The following EYA2 variants were observed in gnomAD, a reference collection of about 807,000 sequenced individuals.
EYA2 encodes the protein EYA transcriptional coactivator and phosphatase 2, also known as protein phosphatase EYA2.
A neutral mutation model predicts 69.2 loss-of-function variants in EYA2; 31 were observed. The ratio of observed to expected loss-of-function variants is 0.45; its 90% CI spans 0.34 to 0.60. EYA2 has a LOEUF of 0.60. EYA2 is among the 20% of genes least tolerant of loss of function. EYA2 has a pLI of 0.02. For missense variants in EYA2, 622 were observed against 701.2 expected (o/e 0.89, Z 1.28); for synonymous variants, 257 against 279.4 (o/e 0.92, Z 0.80).
At chr20:47,047,520 A>G (rs2030107629) in intron 5 of EYA2, among the ~76,000 whole-genome samples, 1 of 152,014 alleles carries the variant, frequency 6.6e-6, no homozygotes, top group Admixed American at 6.6e-5. Flanking sequence ...CCAAGTAGCC[A>G]GAATTACAGG....
At chr20:46,970,530 C>A (rs910354937) in intron 1 of EYA2, among the ~76,000 whole-genome samples, 8 of 152,056 alleles carry the variant, frequency 5.3e-5, no homozygotes, top group Non-Finnish European at 1.0e-4. Context: ...CTCAATAGTG[C>A]CAAGGCTGAG....
At chr20:47,004,712 A>G (rs1982594971) in intron 3 of EYA2, among the ~76,000 whole-genome samples, 1 of 152,174 alleles carries the variant, frequency 6.6e-6, no homozygotes, top group Non-Finnish European at 1.5e-5. Flanking sequence ...CTTACATTCT[A>G]CGGGGCTGAA....
intron 5 of EYA2, among the ~76,000 whole-genome samples, chr20:47,034,860 G>A (rs1187824818): frequency 6.6e-6 from 1 of 152,158 alleles, no homozygotes; most frequent in Admixed American, 6.5e-5. Context: ...GTGGTGGCAG[G>A]CATTCCTTGG....
chr20:47,025,844 G>A (rs1033790924), intron 5 of EYA2, among the ~76,000 whole-genome samples: 1 of 152,188 alleles, frequency 6.6e-6, no homozygotes. Context: ...TCATCTTACG[G>A]TTGAAGTTTT....
intron 5 of EYA2, among the ~76,000 whole-genome samples, chr20:47,032,606 C>T (rs1322398686): frequency 6.6e-6 from 1 of 152,164 alleles, no homozygotes; most frequent in Non-Finnish European, 1.5e-5. Context: ...CTCTCAAAGT[C>T]GGTTCAAACA....
At chr20:46,975,186 G>A (rs1980388655) in intron 1 of EYA2, among the ~76,000 whole-genome samples, 3 of 152,098 alleles carry the variant, frequency 2.0e-5, no homozygotes, top group Non-Finnish European at 2.9e-5. Flanking sequence ...TGGTGGTTAC[G>A]CAGAGCTGCA....
chr20:47,034,657 A>G (rs554604015), intron 5 of EYA2, among the ~76,000 whole-genome samples: 6 of 152,246 alleles, frequency 3.9e-5, no homozygotes, highest in Non-Finnish European at 7.3e-5. Flanking sequence ...AATGCCAGTA[A>G]GTCAACAGAA....
At chr20:47,030,637 G>A in intron 5 of EYA2, among the ~76,000 whole-genome samples, 1 of 152,184 alleles carries the variant, frequency 6.6e-6, no homozygotes, top group Non-Finnish European at 1.5e-5. Flanking sequence ...ACAGCTCTGG[G>A]AGCTAGAAGT....
intron 5 of EYA2, among the ~76,000 whole-genome samples, chr20:47,057,139 GAGGAAGGA>G (rs61126274): frequency 0.052 from 6,775 of 129,104 alleles, 294 homozygotes; most frequent in African/African-American, 0.12. Context: ...AGGAAGGAGG[GAGGAAGGA>G]AGGAAGGAAG....
At chr20:47,080,357 T>TA (rs1452336351) in intron 7 of EYA2, among the ~76,000 whole-genome samples, 1 of 150,420 alleles carries the variant, frequency 6.6e-6, no homozygotes, top group Admixed American at 6.7e-5. Context: ...AAGGGAAACT[T>TA]ACAGCACGAA....
intron 5 of EYA2, among the ~76,000 whole-genome samples, chr20:47,024,611 C>T (rs1983972336): frequency 6.6e-6 from 1 of 152,218 alleles, no homozygotes; most frequent in African/African-American, 2.4e-5. Flanking sequence ...CTGCCAATTC[C>T]AGCCACATTA....
rs2034523807 is a variant in EYA2, at chr20:47,180,827, C to T, written c.1326C>T (p.Val442=). The T allele has an allele frequency of 2.5e-6, 4 of 1,614,022 alleles. No individual in the cohort carries two copies. The highest frequency in any genetic ancestry group is 2.2e-5 in the South Asian group (2 of 91,068). The part of the protein sequence containing the change: ...LNLINSRPNC[V]NVLVTTTQLI... ...CCTTTGTCCTTAGGCCCAACTGTGT[C>T]AATGTGCTGGTCACCACCACTCAAC... Residue 442 remains valine (V), a synonymous_variant, in exon 14 of 16, where the codon GTC becomes GTT. Transcript: ENST00000327619.
chr20:46,899,418 G>A (rs2146208731), intron 1 of EYA2, among the ~76,000 whole-genome samples: 1 of 152,170 alleles, frequency 6.6e-6, no homozygotes, highest in East Asian at 1.9e-4. Context: ...AACCGGTTGG[G>A]TATGGTTCTG....
intron 1 of EYA2, among the ~76,000 whole-genome samples, chr20:46,974,981 G>C (rs139878721): frequency 2.6e-5 from 4 of 152,244 alleles, no homozygotes; most frequent in Non-Finnish European, 5.9e-5. Context: ...TTTCTAAAAA[G>C]CTGATCTCAA....
chr20:47,156,057 TATAC>T (rs2033918600), intron 10 of EYA2, among the ~76,000 whole-genome samples: 1 of 81,744 alleles, frequency 1.2e-5, no homozygotes, highest in Non-Finnish European at 2.2e-5. Context: ...CACACATATA[TATAC>T]ATACACACAC....
rs6063068 is a variant in EYA2, at chr20:47,088,857, A to T, written c.662-382A>T. Among the ~76,000 whole-genome samples, 282 of 152,276 alleles carry T rather than the reference A, an allele frequency of 1.9e-3. 1 individual carries two copies. The highest frequency in any genetic ancestry group is 0.015 in the South Asian group (72 of 4,808). On this transcript the variant is annotated intron_variant, in intron 7 of 15. Coordinates refer to ENST00000327619, the MANE Select transcript of EYA2 (RefSeq NM_005244.5). ...TTGGAGGTGCTGGGATTACAGGCGT[A>T]AGCCCCCACGCCGGGCCCCCTGACT...
chr20:46,982,729 T>C (rs1359214074), intron 1 of EYA2, among the ~76,000 whole-genome samples: 3 of 152,266 alleles, frequency 2.0e-5, no homozygotes, highest in East Asian at 3.9e-4. Context: ...AACTGATCTA[T>C]TGAGTTCTTA....
intron 9 of EYA2, among the ~76,000 whole-genome samples, chr20:47,139,558 T>C: frequency 6.6e-6 from 1 of 152,176 alleles, no homozygotes; most frequent in South Asian, 2.1e-4. Flanking sequence ...GCCTCCCGAA[T>C]AGCTGGGATT....
At chr20:47,180,000 T>C (rs1160708729) in intron 13 of EYA2, 88 bp downstream of exon 13, 4 of 903,548 alleles carry the variant, frequency 4.4e-6, no homozygotes, top group East Asian at 2.6e-5. Flanking sequence ...CTTGGGAGAA[T>C]TGGACTCCTC....
Sources: gnomAD v4.1 joint callset for allele counts (sites outside exome capture counted in the v4.1 genomes callset) on GRCh38, gnomAD v4.1.1 for gene constraint, MANE v1.5 for transcripts, NCBI Gene and HGNC (gene_info 2026-07-23, HGNC 2026-07-21) for gene names.